MACROD2: variants seen among roughly 807,000 people sequenced by gnomAD.
MACROD2 encodes the protein ADP-ribose glycohydrolase MACROD2.
A neutral mutation model predicts 70.4 loss-of-function variants in MACROD2; 36 were observed. The observed-to-expected ratio is 0.51, with a 90% CI of 0.39 to 0.68. The LOEUF (loss-of-function observed/expected upper bound fraction) is 0.68. MACROD2 is among the 30% of genes least tolerant of loss of function. The pLI, the probability that MACROD2 is intolerant of heterozygous loss-of-function variation, is 0.00. For synonymous variants in MACROD2, 172 were observed against 178.8 expected, an observed-to-expected ratio of 0.96 and a Z score of 0.30; for missense variants, 496 against 538.4, an observed-to-expected ratio of 0.92 and a Z score of 0.78.
chr20:14,370,936 TAGC>T (rs1447417483), intron 3 of MACROD2, among the ~76,000 whole-genome samples: 2 of 152,206 alleles, frequency 1.3e-5, no homozygotes, highest in African/African-American at 2.4e-5. Context: ...TTATTATTCA[TAGC>T]AGTTAATTCA....
At chr20:15,341,955 G>A (rs1339536303) in intron 6 of MACROD2, among the ~76,000 whole-genome samples, 1 of 152,088 alleles carries the variant, frequency 6.6e-6, no homozygotes, top group Non-Finnish European at 1.5e-5. Context: ...TTGGGAAGCT[G>A]AGGCAGGAGA....
chr20:15,231,413 A>G (rs1303306049), intron 6 of MACROD2, among the ~76,000 whole-genome samples: 4 of 152,052 alleles, frequency 2.6e-5, no homozygotes, highest in Admixed American at 2.6e-4. Context: ...AATAATTAAA[A>G]TTTTGTCAAT....
intron 2 of MACROD2, among the ~76,000 whole-genome samples, chr20:14,036,272 A>G (rs556291964): frequency 1.6e-4 from 25 of 152,336 alleles, no homozygotes; most frequent in Admixed American, 1.0e-3. Context: ...TGAAACTAAC[A>G]TTTTAGTAGT....
chr20:14,088,511 C>T (rs569321690), intron 3 of MACROD2, among the ~76,000 whole-genome samples: 1 of 151,832 alleles, frequency 6.6e-6, no homozygotes, highest in South Asian at 2.1e-4. Context: ...CCTGTGTGTT[C>T]TTGTAATTTC....
In MACROD2 at chr20:15,986,198, G is replaced by A. The variant is rs375710070; in HGVS notation, c.986-529G>A. ...TTGTTTTTCTCTCAAAACAGGTACC[G>A]AGTATAAAACAATATAAAGCGATAC... is the stretch of plus-strand genomic sequence containing the variant. On this transcript the variant is annotated intron_variant, in intron 13 of 17. Transcript: ENST00000684519. Among the ~76,000 whole-genome samples the A allele has an allele frequency of 3.9e-5, 6 of 152,258 alleles. No homozygotes were observed. In the South Asian group the frequency reaches 8.3e-4, roughly 21 times the overall value.
chr20:15,094,351 C>A (rs760277280), intron 5 of MACROD2, among the ~76,000 whole-genome samples: 33 of 151,990 alleles, frequency 2.2e-4, no homozygotes, highest in African/African-American at 2.4e-5. Flanking sequence ...TATTTATGAA[C>A]CACCTATTAT....
chr20:15,492,623 T>C (rs2047246048), intron 7 of MACROD2, among the ~76,000 whole-genome samples: 1 of 152,246 alleles, frequency 6.6e-6, no homozygotes, highest in African/African-American at 2.4e-5. Context: ...TCAACTGATG[T>C]CAACATATTG....
intron 5 of MACROD2, among the ~76,000 whole-genome samples, chr20:14,782,259 AT>A (rs1225491409): frequency 1.3e-5 from 2 of 152,104 alleles, no homozygotes; most frequent in African/African-American, 2.4e-5. Flanking sequence ...CACTAAAAAA[AT>A]AATCATTAGC....
rs185399935 is a variant in MACROD2 at position 15,282,975 on chromosome 20, T to C, written c.540+52914T>C. 2.5e-3 allele frequency among the ~76,000 whole-genome samples: 381 copies of C among 152,260 alleles called. 1 individual carries two copies. Among genetic ancestry groups the C allele is most frequent in the African/African-American group, 7.2e-3 (298 of 41,542 alleles). The stretch of plus-strand genomic sequence containing the variant: ...GGCCTCAGGAAACTTACAATCATGG[T>C]AGCAAAGAAGAAGCAGACACCTTCT... On this transcript the variant is annotated intron_variant, in intron 6 of 17. Transcript: ENST00000684519.
intron 6 of MACROD2, among the ~76,000 whole-genome samples, chr20:15,391,239 G>C (rs1292369965): frequency 6.6e-6 from 1 of 152,200 alleles, no homozygotes; most frequent in Non-Finnish European, 1.5e-5. Flanking sequence ...TCCCTAGACA[G>C]TTTGGCACAA....
chr20:14,915,433 C>T (rs1600816513), intron 5 of MACROD2, among the ~76,000 whole-genome samples: 1 of 152,178 alleles, frequency 6.6e-6, no homozygotes, highest in Non-Finnish European at 1.5e-5. Flanking sequence ...CTTCCAAAAC[C>T]TTCGAGAAGC....
chr20:15,871,420 ATCTT>A (rs1412327290), intron 9 of MACROD2, among the ~76,000 whole-genome samples: 3 of 152,144 alleles, frequency 2.0e-5, no homozygotes, highest in African/African-American at 7.2e-5. Context: ...ATCATTCATT[ATCTT>A]TCTATCAGTT....
chr20:14,704,621 C>G (rs143434218), intron 5 of MACROD2, among the ~76,000 whole-genome samples: 7 of 152,266 alleles, frequency 4.6e-5, no homozygotes, highest in African/African-American at 1.7e-4. Context: ...CTCCCTCTAG[C>G]TTCATTCTAT....
intron 6 of MACROD2, among the ~76,000 whole-genome samples, chr20:15,389,370 G>A (rs942160830): frequency 5.3e-5 from 8 of 152,162 alleles, no homozygotes; most frequent in Admixed American, 4.6e-4. Flanking sequence ...AAGGAAGAAA[G>A]AGGAAGAAAG....
At chr20:15,388,198 T>A (rs1414829653) in intron 6 of MACROD2, among the ~76,000 whole-genome samples, 1 of 150,196 alleles carries the variant, frequency 6.7e-6, no homozygotes, top group African/African-American at 2.5e-5. Context: ...AAAGGGAGAG[T>A]GGAGGTTCCT....
At chr20:14,750,636 T>C (rs2071857603) in intron 5 of MACROD2, among the ~76,000 whole-genome samples, 1 of 151,948 alleles carries the variant, frequency 6.6e-6, no homozygotes, top group African/African-American at 2.4e-5. Flanking sequence ...ATTTTTGTAT[T>C]TTTTGTAGAG....
At chr20:14,572,316 C>G (rs1302329293) in intron 4 of MACROD2, among the ~76,000 whole-genome samples, 1 of 152,042 alleles carries the variant, frequency 6.6e-6, no homozygotes. Context: ...TTAGGATTCT[C>G]AAATATTGCT....
intron 3 of MACROD2, among the ~76,000 whole-genome samples, chr20:14,342,867 C>CCCTG (rs963917403): frequency 7.9e-5 from 12 of 152,036 alleles, no homozygotes; most frequent in African/African-American, 2.9e-4. Flanking sequence ...GTGGTTATTT[C>CCCTG]CCTGCCTGCC....
chr20:14,930,815 C>A (rs1600841558), intron 5 of MACROD2, among the ~76,000 whole-genome samples: 8 of 116,446 alleles, frequency 6.9e-5, no homozygotes, highest in South Asian at 3.1e-4. Flanking sequence ...CCCATGTTTT[C>A]ATTCATTTTT....
Sources: gnomAD v4.1 joint callset for allele counts (sites outside exome capture counted in the v4.1 genomes callset) on GRCh38, gnomAD v4.1.1 for gene constraint, MANE v1.5 for transcripts, NCBI Gene and HGNC (gene_info 2026-07-23, HGNC 2026-07-21) for gene names.